Variants in ABCG1 observed in about 807,000 individuals in gnomAD.
ABCG1 encodes the protein ATP binding cassette subfamily G member 1, also known as ATP-binding cassette sub-family G member 1.
In ABCG1, 29 loss-of-function variants were observed where a neutral mutation model predicts 69.2. That is an observed-to-expected ratio of 0.42 (90% CI 0.31 to 0.57). The LOEUF (loss-of-function observed/expected upper bound fraction) is 0.57, where lower values mean the gene tolerates loss of function less well. Among genes scored for constraint, ABCG1 ranks in the 20% least tolerant of loss-of-function variants. The probability of loss-of-function intolerance (pLI) is 0.15; values close to 1 mark genes in which losing one functional copy is unlikely to be tolerated. For missense variants in ABCG1, 718 were observed against 898.1 expected (o/e 0.80, Z 2.56); for synonymous variants, 370 against 374.8 (o/e 0.99, Z 0.15).
chr21:42,294,790 C>T, intron 14 of ABCG1, 130 bp downstream of exon 14: 1 of 775,696 alleles, frequency 1.3e-6, no homozygotes, highest in Non-Finnish European at 2.3e-6. Context: ...ATCTGAGGAT[C>T]CAGGCCTTCC....
chr21:42,267,032 G>T (rs2839481), intron 2 of ABCG1, among the ~76,000 whole-genome samples: 16,069 of 152,170 alleles, frequency 0.11, 2,793 homozygotes, highest in African/African-American at 0.36. Flanking sequence ...CCTAAAAAAG[G>T]ATTAAGTTGC....
intron 2 of ABCG1, among the ~76,000 whole-genome samples, chr21:42,257,179 G>A (rs570184746): frequency 6.6e-6 from 1 of 152,300 alleles, no homozygotes; most frequent in African/African-American, 2.4e-5. Context: ...ATTAGAGGCC[G>A]AATCTAGAGC....
chr21:42,216,095 T>C, upstream of ABCG1: 1 of 448,178 alleles, frequency 2.2e-6, no homozygotes, highest in Non-Finnish European at 4.5e-6. Context: ...AAGGGGAGTT[T>C]CCCTGCACAA....
chr21:42,218,791 C>T (rs1354352364), upstream of ABCG1, among the ~76,000 whole-genome samples: 1 of 152,196 alleles, frequency 6.6e-6, no homozygotes, highest in Non-Finnish European at 1.5e-5. Context: ...GACGCCCCCT[C>T]TTCGACCCCA....
chr21:42,293,086 A>G (rs1230702319), intron 13 of ABCG1, among the ~76,000 whole-genome samples: 2 of 88,546 alleles, frequency 2.3e-5, no homozygotes, highest in South Asian at 7.6e-4. Context: ...CACCACACAC[A>G]CTACACACCA....
chr21:42,214,599 G>A (rs1227160969), upstream of ABCG1, among the ~76,000 whole-genome samples: 4 of 152,188 alleles, frequency 2.6e-5, no homozygotes, highest in South Asian at 4.1e-4. Flanking sequence ...CTGGGATGAC[G>A]AGGGCACGGT....
intron 2 of ABCG1, among the ~76,000 whole-genome samples, chr21:42,239,002 A>G (rs2068014640): frequency 6.6e-6 from 1 of 152,260 alleles, no homozygotes; most frequent in Non-Finnish European, 1.5e-5. Flanking sequence ...AATATGTAAC[A>G]AGGAGGTTAA....
chr21:42,268,526 G>A (rs1349116919), intron 2 of ABCG1, among the ~76,000 whole-genome samples: 1 of 152,126 alleles, frequency 6.6e-6, no homozygotes. Flanking sequence ...CCACAGCAGG[G>A]CAGACTAATG....
intron 2 of ABCG1, among the ~76,000 whole-genome samples, chr21:42,234,231 G>A (rs2067943717): frequency 6.6e-6 from 1 of 152,124 alleles, no homozygotes; most frequent in South Asian, 2.1e-4. Flanking sequence ...GCAGGTCCAG[G>A]ACTGGACTTA....
Position 42,296,417 on chromosome 21 carries a change from A to G in ABCG1, c.*25A>G, listed in dbSNP as rs748306513. On this transcript the variant is annotated 3_prime_UTR_variant, in exon 15 of 15. Coordinates refer to ENST00000398449, the MANE Select transcript of ABCG1 (RefSeq NM_016818.3). The surrounding 1 kb of genome is among the most constrained non-coding windows in gnomAD (Gnocchi z 5.4). Reference sequence around the variant, plus strand: ...AAACACCTGAATGCCAGGAAACAGGAAGATTAGACACTGTGGCCGAGGGCA... The same window carrying G: ...AAACACCTGAATGCCAGGAAACAGGGAGATTAGACACTGTGGCCGAGGGCA... 5 of 1,598,488 alleles carry G rather than the reference A, an allele frequency of 3.1e-6. No individual in the cohort carries two copies. The East Asian group carries it at 1.1e-4, about 36-fold the overall frequency.
At chr21:42,255,896 G>T (rs2068296165) in intron 2 of ABCG1, among the ~76,000 whole-genome samples, 1 of 152,230 alleles carries the variant, frequency 6.6e-6, no homozygotes, top group Non-Finnish European at 1.5e-5. Context: ...AGAGAATGGG[G>T]CTATGGTTGA....
At chr21:42,285,818 G>A (rs1321607137) in intron 7 of ABCG1, 62 bp from the exon 8 acceptor site, 3 of 1,110,354 alleles carry the variant, frequency 2.7e-6, no homozygotes, top group Non-Finnish European at 4.1e-6. Flanking sequence ...ATTGATTGAG[G>A]GCTCCGGTTG....
At chr21:42,294,705 G>A in intron 14 of ABCG1, 45 bp downstream of exon 14, 1 of 1,564,524 alleles carries the variant, frequency 6.4e-7, no homozygotes. Context: ...GAGGGTGACG[G>A]GGGAAGAACC....
intron 2 of ABCG1, among the ~76,000 whole-genome samples, chr21:42,254,749 G>A (rs7281093): frequency 0.26 from 39,110 of 152,166 alleles, 5,933 homozygotes; most frequent in African/African-American, 0.43. Flanking sequence ...TCTGCCTTGA[G>A]CTTTCTCTTG....
chr21:42,283,712 TACCACCCACCACCCAGATGAGTGGGGA>T (rs1569236429), intron 6 of ABCG1, among the ~76,000 whole-genome samples: 3,667 of 76,382 alleles, frequency 0.048, 619 homozygotes, highest in Non-Finnish European at 0.067. Context: ...AGTTGTGAAG[TACCACCCACCACCCAGATGAGTGGGGA>T]CCCCCCACCT....
intron 5 of ABCG1, among the ~76,000 whole-genome samples, chr21:42,280,839 G>A (rs543180783): frequency 2.2e-4 from 33 of 152,228 alleles, no homozygotes; most frequent in East Asian, 3.9e-4. Context: ...TGGAGGCCTC[G>A]TCCTGGGAAG....
At position 42,219,336 on chromosome 21, in the gene ABCG1, C is replaced by T. The variant is rs745380523; in HGVS notation, c.42+32C>T. ...GAGCGCATCCTTCGTCCGCCGGGAA[C>T]GGTTTTATTTTCAAGGAGAGCAGGA... On this transcript the variant is annotated intron_variant, in intron 1 of 14. Coordinates refer to ENST00000398449, the MANE Select transcript of ABCG1 (RefSeq NM_016818.3). This position sits in a 1 kb window ranked among gnomAD's most constrained non-coding sequence, Gnocchi z 5.3. 1 of 1,593,224 alleles carries T rather than the reference C, an allele frequency of 6.3e-7. No individual in the cohort carries two copies. Among genetic ancestry groups the T allele is most frequent in the Admixed American group, 1.7e-5 (1 of 58,290 alleles).
intron 2 of ABCG1, among the ~76,000 whole-genome samples, chr21:42,240,956 G>C (rs2068042779): frequency 6.6e-6 from 1 of 152,260 alleles, no homozygotes; most frequent in Admixed American, 6.5e-5. Context: ...CCACCCAGGG[G>C]ACCGAGGGCA....
intron 2 of ABCG1, among the ~76,000 whole-genome samples, chr21:42,228,969 C>A (rs1034489255): frequency 2.6e-5 from 4 of 152,234 alleles, no homozygotes; most frequent in Non-Finnish European, 5.9e-5. Context: ...GGAGCTGCAT[C>A]CCACTGGACC....
Sources: allele counts gnomAD v4.1 joint callset (sites outside exome capture counted in the v4.1 genomes callset), GRCh38; gene constraint gnomAD v4.1.1; non-coding constraint Gnocchi (gnomAD v3.1); transcripts MANE v1.5; gene names NCBI Gene and HGNC (gene_info 2026-07-23, HGNC 2026-07-21).